NFIC: variants seen among roughly 807,000 people sequenced by gnomAD.
The protein encoded by NFIC is nuclear factor I C, also known as nuclear factor 1 C-type.
Under a neutral mutation model 54.4 loss-of-function variants are expected in NFIC, and 12 were observed. The observed-to-expected ratio is 0.22, with a 90% CI of 0.14 to 0.36. NFIC has a LOEUF of 0.36. NFIC is among the 10% of genes least tolerant of loss of function. The pLI is 1.00. For missense variants in NFIC, 575 were observed against 718.2 expected (o/e 0.80, Z 2.28); for synonymous variants, 322 against 319.2 (o/e 1.01, Z -0.09).
In NFIC at chr19:3,463,614, G is replaced by T; in HGVS notation, c.*845G>T. 2 of 959,120 alleles carry T rather than the reference G, an allele frequency of 2.1e-6. No individual in the cohort carries two copies. The highest frequency in any genetic ancestry group is 2.5e-6 in the Non-Finnish European group (2 of 807,856). 59.4% of individuals were successfully genotyped at this position (959,120 alleles called of 1,614,324 possible). On this transcript the variant is annotated 3_prime_UTR_variant, in exon 11 of 11. Transcript: ENST00000443272. The stretch of plus-strand genomic sequence containing the variant: ...GGGAGGAGAAGTCTCTATGCAATTG[G>T]CCCCGGCCCCTCCACCCCCCACCCC...
At position 3,458,914 on chromosome 19, in the gene NFIC, C is replaced by T. The variant is rs151151072; in HGVS notation, c.1509+2279C>T. ...AAGGCGAGGTCCCCAAACTGGGCAT[C>T]CAGGGAGCACAGGTCTGGGGAGGAC... On this transcript the variant is annotated intron_variant, in intron 10 of 10. Coordinates refer to ENST00000443272, the MANE Select transcript of NFIC (RefSeq NM_001245002.2). The surrounding 1 kb of genome is among the most constrained non-coding windows in gnomAD (Gnocchi z 4.1). Among the ~76,000 whole-genome samples the T allele has an allele frequency of 0.019, 2,824 of 152,140 alleles. 46 individuals are homozygous for T. Among genetic ancestry groups the T allele is most frequent in the Non-Finnish European group, 0.026 (1,736 of 67,978 alleles).
At chr19:3,384,946 C>A (rs1335464079) in intron 2 of NFIC, among the ~76,000 whole-genome samples, 1 of 151,892 alleles carries the variant, frequency 6.6e-6, no homozygotes, top group African/African-American at 2.4e-5. Context: ...CCACCTCCTC[C>A]GTGCTGAGCT....
chr19:3,360,327 C>T lies in NFIC; in HGVS notation c.3+642C>T, dbSNP rs1209907756. On this transcript the variant is annotated intron_variant, in intron 1 of 9. Transcript: ENST00000395111. The stretch of plus-strand genomic sequence containing the variant: ...CTGCCCTCGCACCGCCCCCGCCCCG[C>T]CCCTCGGCAGACCCCCGGCCCCGCT... Among the ~76,000 whole-genome samples, 3 of 148,962 alleles carry T rather than the reference C, an allele frequency of 2.0e-5. No individual in the cohort carries two copies. The East Asian group carries it at 5.9e-4, about 29-fold the overall frequency.
intron 3 of NFIC, among the ~76,000 whole-genome samples, chr19:3,433,193 G>A (rs971522372): frequency 2.6e-5 from 4 of 151,322 alleles, no homozygotes; most frequent in African/African-American, 9.7e-5. Context: ...TTGAAGTCCT[G>A]AGCTCAAGCG....
chr19:3,456,069 C>T (rs991186658), intron 9 of NFIC, among the ~76,000 whole-genome samples: 3 of 152,212 alleles, frequency 2.0e-5, no homozygotes, highest in Non-Finnish European at 4.4e-5. Context: ...AAAATATAAT[C>T]GCTGAGGCTG....
intron 2 of NFIC, among the ~76,000 whole-genome samples, chr19:3,406,206 C>T (rs1479834471): frequency 6.6e-6 from 1 of 152,178 alleles, no homozygotes; most frequent in Admixed American, 6.5e-5. Context: ...GATTCTCCTG[C>T]CTCAGCCTTC....
intron 2 of NFIC, among the ~76,000 whole-genome samples, chr19:3,420,556 A>AAAAAAAAAAAATAAATAAAT (rs1555751892): frequency 7.0e-6 from 1 of 142,680 alleles, no homozygotes. Flanking sequence ...CCATCTCAAA[A>AAAAAAAAAAAATAAATAAAT]AAATAAATAA....
intron 6 of NFIC, among the ~76,000 whole-genome samples, chr19:3,440,621 G>C (rs896719613): frequency 3.9e-5 from 6 of 152,014 alleles, no homozygotes; most frequent in African/African-American, 1.4e-4. Flanking sequence ...AGCGGAGGCG[G>C]GTTTTCACCA....
intron 6 of NFIC, among the ~76,000 whole-genome samples, chr19:3,445,141 C>T (rs564113084): frequency 6.6e-6 from 1 of 151,372 alleles, no homozygotes; most frequent in Non-Finnish European, 1.5e-5. Flanking sequence ...ATGCATGCAG[C>T]TGTGCACATG....
chr19:3,444,431 C>T (rs952683405), intron 6 of NFIC, among the ~76,000 whole-genome samples: 7 of 152,210 alleles, frequency 4.6e-5, no homozygotes, highest in Admixed American at 3.9e-4. Flanking sequence ...GCGGGGGACG[C>T]ACATGCCCGC....
At chr19:3,384,124 G>A (rs1465051462) in intron 2 of NFIC, among the ~76,000 whole-genome samples, 1 of 149,536 alleles carries the variant, frequency 6.7e-6, no homozygotes, top group Non-Finnish European at 1.5e-5. Flanking sequence ...GTGCAATCTC[G>A]GCTCACTGTA....
intron 2 of NFIC, among the ~76,000 whole-genome samples, chr19:3,413,204 C>T (rs2081793831): frequency 6.6e-6 from 1 of 152,146 alleles, no homozygotes; most frequent in African/African-American, 2.4e-5. Flanking sequence ...TCACCTCAGC[C>T]TCCTAAAGTG....
upstream of NFIC, among the ~76,000 whole-genome samples, chr19:3,361,753 C>T (rs768991203): frequency 9.9e-5 from 15 of 152,190 alleles, no homozygotes; most frequent in Non-Finnish European, 1.6e-4. Flanking sequence ...CCCGGAGGGA[C>T]GGTTGGATGC....
chr19:3,417,546 G>A (rs545161165), intron 2 of NFIC, among the ~76,000 whole-genome samples: 4 of 152,032 alleles, frequency 2.6e-5, no homozygotes, highest in South Asian at 4.2e-4. Context: ...TGCTCAGACC[G>A]AAAGAAGGTC....
At chr19:3,417,349 A>G (rs1481267105) in intron 2 of NFIC, among the ~76,000 whole-genome samples, 2 of 152,158 alleles carry the variant, frequency 1.3e-5, no homozygotes, top group Non-Finnish European at 2.9e-5. Context: ...GCTTTGGGAA[A>G]TACGCTGTGC....
chr19:3,380,185 C>T (rs1320043368), intron 1 of NFIC, among the ~76,000 whole-genome samples: 1 of 140,498 alleles, frequency 7.1e-6, no homozygotes, highest in Non-Finnish European at 1.5e-5. Context: ...GTTTTTTTTT[C>T]AGTAGAGACG....
chr19:3,394,513 T>TCCCCCCC (rs1192475558), intron 2 of NFIC, among the ~76,000 whole-genome samples: 3 of 9,000 alleles, frequency 3.3e-4, no homozygotes, highest in African/African-American at 1.2e-3. Flanking sequence ...TTATGATCTT[T>TCCCCCCC]TCCCCACCCA....
rs529985683 is a variant in NFIC at position 3,452,001 on chromosome 19, C to T, written c.1085-481C>T. 7.3e-5 allele frequency among the ~76,000 whole-genome samples: 11 copies of T among 151,448 alleles called. No homozygotes were observed. Among genetic ancestry groups the T allele is most frequent in the African/African-American group, 2.4e-4 (10 of 41,212 alleles). ...GCATGGCGGCGTGCACTTGTAATCC[C>T]AGCTACTCGGGAGGCTGAGGCAGAA... On this transcript the variant is annotated intron_variant, in intron 7 of 10. Coordinates refer to ENST00000443272, the MANE Select transcript of NFIC (RefSeq NM_001245002.2). The surrounding 1 kb of genome is among the most constrained non-coding windows in gnomAD (Gnocchi z 5.3).
chr19:3,365,535 G>A (rs960943289), upstream of NFIC, among the ~76,000 whole-genome samples: 2 of 152,164 alleles, frequency 1.3e-5, no homozygotes, highest in African/African-American at 4.8e-5. Context: ...ACGGAGGCAG[G>A]CCAGGTCTCT....
Sources: gnomAD v4.1 joint callset for allele counts (sites outside exome capture counted in the v4.1 genomes callset) on GRCh38, gnomAD v4.1.1 for gene constraint, Gnocchi (gnomAD v3.1) non-coding constraint, MANE v1.5 for transcripts, NCBI Gene and HGNC (gene_info 2026-07-23, HGNC 2026-07-21) for gene names.